Variants in PTPRT observed in about 807,000 individuals in gnomAD.
PTPRT encodes receptor-type tyrosine-protein phosphatase T.
In PTPRT, 56 loss-of-function variants were observed where a neutral mutation model predicts 176.8. The ratio of observed to expected loss-of-function variants is 0.32; its 90% confidence interval spans 0.26 to 0.40. The LOEUF is 0.40. Ranked by LOEUF, PTPRT falls within the 10% of genes least tolerant of loss-of-function variation. PTPRT has a pLI of 1.00. For synonymous variants in PTPRT, 783 were observed against 739.0 expected, an observed-to-expected ratio of 1.06 and a Z score of -0.96; for missense variants, 1,540 against 1,908.2, an observed-to-expected ratio of 0.81 and a Z score of 3.60.
At chr20:42,165,474 T>A (rs980864005) in intron 16 of PTPRT, among the ~76,000 whole-genome samples, 1 of 151,840 alleles carries the variant, frequency 6.6e-6, no homozygotes, top group African/African-American at 2.4e-5. Context: ...TGCCATGGGG[T>A]TTGGCAATCT....
intron 4 of PTPRT, among the ~76,000 whole-genome samples, chr20:42,776,354 C>A (rs1413475710): frequency 6.6e-6 from 1 of 152,186 alleles, no homozygotes; most frequent in African/African-American, 2.4e-5. Context: ...CCTTTAAAGA[C>A]ATGATTAAAT....
rs190172961 is a variant in PTPRT, at chr20:43,133,734, C to T, written c.88+55912G>A. On this transcript the variant is annotated intron_variant, in intron 1 of 30. Transcript: ENST00000373187. Reference sequence around the variant, plus strand: ...CTGCACTCCAGCCTGGGCAACAGAGCGAGACTCTGTCTCAAAAAAAAAAAA... The same window carrying T: ...CTGCACTCCAGCCTGGGCAACAGAGTGAGACTCTGTCTCAAAAAAAAAAAA... Among the ~76,000 whole-genome samples the T allele has an allele frequency of 7.7e-5, 10 of 129,308 alleles. No individual in the cohort carries two copies. In the East Asian group the frequency reaches 1.6e-3, roughly 20 times the overall value. 84.8% of individuals were successfully genotyped at this position (129,308 alleles called of 152,430 possible). A position where few individuals can be genotyped will look rare whatever the true frequency, so the allele number is the denominator to read the frequency against.
chr20:42,794,076 C>T (rs544675225), intron 2 of PTPRT, among the ~76,000 whole-genome samples: 2 of 152,220 alleles, frequency 1.3e-5, no homozygotes, highest in Non-Finnish European at 2.9e-5. Context: ...GATCCCACTT[C>T]TTTCCATCCT....
chr20:42,220,188 T>A (rs2055854500), intron 15 of PTPRT, among the ~76,000 whole-genome samples: 1 of 152,094 alleles, frequency 6.6e-6, no homozygotes, highest in Non-Finnish European at 1.5e-5. Context: ...AAAATACACA[T>A]GGGACCTACA....
chr20:42,220,438 G>A (rs6030058), intron 15 of PTPRT, among the ~76,000 whole-genome samples: 47,260 of 151,974 alleles, frequency 0.31, 8,350 homozygotes, highest in East Asian at 0.42. Flanking sequence ...GAGGCAGGTC[G>A]TGATGGGTCA....
chr20:43,058,326 G>GA (rs1344743525), intron 1 of PTPRT, among the ~76,000 whole-genome samples: 1 of 151,908 alleles, frequency 6.6e-6, no homozygotes, highest in Non-Finnish European at 1.5e-5. Context: ...GAAAGAGGGA[G>GA]GAAGAGAAAG....
intron 9 of PTPRT, among the ~76,000 whole-genome samples, chr20:42,382,212 T>C (rs7267575): frequency 0.02 from 3,016 of 152,330 alleles, 95 homozygotes; most frequent in African/African-American, 0.07. Flanking sequence ...TTCTGTTTAA[T>C]AGCACATACA....
At chr20:42,366,534 C>T (rs2058517211) in intron 9 of PTPRT, among the ~76,000 whole-genome samples, 2 of 152,324 alleles carry the variant, frequency 1.3e-5, no homozygotes, top group South Asian at 4.1e-4. Context: ...CCTCTCTGTC[C>T]AGTTCTTCTT....
intron 6 of PTPRT, among the ~76,000 whole-genome samples, chr20:42,694,688 A>G (rs2075846390): frequency 6.6e-6 from 1 of 152,162 alleles, no homozygotes; most frequent in African/African-American, 2.4e-5. Flanking sequence ...CTGTACTACT[A>G]TTGTCACTAT....
chr20:42,575,480 G>A (rs978658883), intron 7 of PTPRT, among the ~76,000 whole-genome samples: 2 of 152,128 alleles, frequency 1.3e-5, no homozygotes, highest in African/African-American at 2.4e-5. Flanking sequence ...TCAGCAACAC[G>A]CACCAACCTC....
rs73907248 is a variant in PTPRT, at chr20:42,722,143, T to C, written c.859+34319A>G. ...CTCCCTTCCTCTCTGCACATTCTTCTCACCATATCGGGTCTATGAGTCACC... is the reference window on the plus strand; with the variant it reads ...CTCCCTTCCTCTCTGCACATTCTTCCCACCATATCGGGTCTATGAGTCACC... On this transcript the variant is annotated intron_variant, in intron 6 of 30. Coordinates refer to ENST00000373187, the MANE Select transcript of PTPRT (RefSeq NM_007050.6). 1.7e-3 allele frequency among the ~76,000 whole-genome samples: 262 copies of C among 152,288 alleles called. 1 individual carries two copies. Among genetic ancestry groups the C allele is most frequent in the African/African-American group, 6.0e-3 (248 of 41,550 alleles).
intron 7 of PTPRT, among the ~76,000 whole-genome samples, chr20:42,581,424 G>C (rs140069458): frequency 6.6e-6 from 1 of 151,808 alleles, no homozygotes; most frequent in African/African-American, 2.4e-5. Flanking sequence ...GAAACGATTT[G>C]TTTCTTTTGT....
At chr20:42,872,566 GGTTAGGACCACAGGA>G (rs2078863640) in intron 2 of PTPRT, among the ~76,000 whole-genome samples, 1 of 152,148 alleles carries the variant, frequency 6.6e-6, no homozygotes, top group Non-Finnish European at 1.5e-5. Context: ...CGAATGGAGG[GGTTAGGACCACAGGA>G]GTCTTCACCA....
chr20:42,431,530 TA>T (rs2059215742), intron 9 of PTPRT, among the ~76,000 whole-genome samples: 1 of 152,216 alleles, frequency 6.6e-6, no homozygotes, highest in Non-Finnish European at 1.5e-5. Flanking sequence ...TAATTATAGT[TA>T]GGTAAAAGAT....
At chr20:42,648,260 GA>G (rs144945719) in intron 7 of PTPRT, among the ~76,000 whole-genome samples, 3,221 of 152,160 alleles carry the variant, frequency 0.021, 116 homozygotes, top group African/African-American at 0.074. Context: ...GGTCCTTCAC[GA>G]ACATGCTTCA....
intron 7 of PTPRT, among the ~76,000 whole-genome samples, chr20:42,584,155 A>C (rs1396059137): frequency 6.6e-6 from 1 of 152,216 alleles, no homozygotes; most frequent in African/African-American, 2.4e-5. Flanking sequence ...ACAATCTCCC[A>C]GCTGAGCTCT....
chr20:42,078,057 G>A lies in PTPRT; in HGVS notation c.*2822C>T. ...ATGCTACAGGCTCCTTGCAGGCTGGGGAAGGCCAGCTGGGGCATTGGGCTG... is the reference window on the plus strand; with the variant it reads ...ATGCTACAGGCTCCTTGCAGGCTGGAGAAGGCCAGCTGGGGCATTGGGCTG... On this transcript the variant is annotated 3_prime_UTR_variant, in exon 31 of 31. Transcript: ENST00000373187. 5.3e-6 allele frequency: 1 copy of A among 186,986 alleles called. No individual in the cohort carries two copies. Among genetic ancestry groups the A allele is most frequent in the Non-Finnish European group, 1.1e-5 (1 of 88,200 alleles). 11.6% of individuals were successfully genotyped at this position (186,986 alleles called of 1,614,324 possible). A position where few individuals can be genotyped will look rare whatever the true frequency, so the allele number is the denominator to read the frequency against.
At chr20:42,204,292 TGAA>T (rs1003801499) in intron 15 of PTPRT, among the ~76,000 whole-genome samples, 2 of 142,800 alleles carry the variant, frequency 1.4e-5, no homozygotes, top group African/African-American at 5.5e-5. Context: ...TATAGCATGT[TGAA>T]GAAGAAAAAA....
chr20:43,068,504 C>CAA lies in PTPRT; in HGVS notation c.88+121140_88+121141dup, dbSNP rs3092671. ...TGGGCAACAGAGAGAGACTCTGTCT[C>CAA]AAAAAAAAAAAAAAAAAAAAGCCAA... On this transcript the variant is annotated intron_variant, in intron 1 of 30. Transcript: ENST00000373187. Among the ~76,000 whole-genome samples the CAA allele has an allele frequency of 1.3e-3, 71 of 56,412 alleles. 1 individual carries two copies. The highest frequency in any genetic ancestry group is 2.6e-3 in the African/African-American group (52 of 20,074). The allele number at this position is 56,412 out of a possible 152,430, so 37.0% of individuals were successfully genotyped here. A position where few individuals can be genotyped will look rare whatever the true frequency, so the allele number is the denominator to read the frequency against.
Sources: allele counts gnomAD v4.1 joint callset (sites outside exome capture counted in the v4.1 genomes callset), GRCh38; gene constraint gnomAD v4.1.1; transcripts MANE v1.5; gene names NCBI Gene and HGNC (gene_info 2026-07-23, HGNC 2026-07-21).